IL7: variants seen among roughly 807,000 people sequenced by gnomAD.
IL7 encodes interleukin 7, also known as interleukin-7.
A neutral mutation model predicts 21.6 loss-of-function variants in IL7; 3 were observed. That is an observed-to-expected ratio of 0.14 (90% CI 0.06 to 0.36). The LOEUF (loss-of-function observed/expected upper bound fraction) is 0.36, where lower values mean the gene tolerates loss of function less well. IL7 is among the 10% of genes least tolerant of loss of function. IL7 has a pLI of 1.00. For missense variants in IL7, 175 were observed against 200.2 expected (o/e 0.87, Z 0.76); for synonymous variants, 62 against 68.1 (o/e 0.91, Z 0.44).
At chr8:78,761,148 A>C in intron 2 of IL7, 2 of 1,593,900 alleles carry the variant, frequency 1.3e-6, no homozygotes, top group Non-Finnish European at 1.7e-6. Flanking sequence ...CTCCCTGTCC[A>C]CTGAGAATGG....
intron 2 of IL7, among the ~76,000 whole-genome samples, chr8:78,788,894 G>C (rs1041848706): frequency 2.0e-5 from 3 of 152,132 alleles, no homozygotes; most frequent in Non-Finnish European, 4.4e-5. Context: ...CACAGAGTTT[G>C]ATGCTGTTTT....
At chr8:78,687,708 ATATATTTAC>A in intron 3 of IL7, among the ~76,000 whole-genome samples, 1 of 95,600 alleles carries the variant, frequency 1.0e-5, no homozygotes, top group Non-Finnish European at 2.1e-5. Flanking sequence ...TACATTATAT[ATATATTTAC>A]GTAATACATT....
At chr8:78,717,165 T>G (rs1020280982), downstream of IL7, among the ~76,000 whole-genome samples, 4 of 152,168 alleles carry the variant, frequency 2.6e-5, no homozygotes, top group African/African-American at 9.7e-5. Flanking sequence ...ATGTTAGAAT[T>G]TTAGTATTTA....
At chr8:78,711,986 A>G (rs1810963383) in intron 3 of IL7, 1 of 1,287,456 alleles carries the variant, frequency 7.8e-7, no homozygotes, top group Non-Finnish European at 1.0e-6. Context: ...ATATATTTTA[A>G]TAGTAATATG....
chr8:78,771,601 G>C (rs896494412), intron 2 of IL7, among the ~76,000 whole-genome samples: 4 of 152,076 alleles, frequency 2.6e-5, no homozygotes, highest in Non-Finnish European at 5.9e-5. Context: ...GAAATTCTAA[G>C]CCACAGTTGA....
At chr8:78,764,188 G>A (rs1812673698) in intron 2 of IL7, among the ~76,000 whole-genome samples, 1 of 151,786 alleles carries the variant, frequency 6.6e-6, no homozygotes, top group Admixed American at 6.6e-5. Context: ...GAATAGAGAG[G>A]GACTTCCTCA....
chr8:78,754,092 G>A (rs1200911684), intron 2 of IL7, among the ~76,000 whole-genome samples: 3 of 152,148 alleles, frequency 2.0e-5, no homozygotes, highest in African/African-American at 7.2e-5. Context: ...CAAATAGGAA[G>A]AGAGGATGTG....
At chr8:78,772,947 G>A (rs972050721) in intron 2 of IL7, among the ~76,000 whole-genome samples, 1 of 152,166 alleles carries the variant, frequency 6.6e-6, no homozygotes, top group Non-Finnish European at 1.5e-5. Context: ...CTCACAGCTG[G>A]ATGAGCACCT....
At chr8:78,791,025 G>A (rs905697162) in intron 2 of IL7, among the ~76,000 whole-genome samples, 4 of 151,886 alleles carry the variant, frequency 2.6e-5, no homozygotes, top group Admixed American at 6.6e-5. Flanking sequence ...ATATACAGAT[G>A]AACAAAATGG....
chr8:78,804,166 GTATTCTGCACAAATAAGA>G (rs1330585834), intron 1 of IL7, among the ~76,000 whole-genome samples: 2 of 151,746 alleles, frequency 1.3e-5, no homozygotes, highest in Non-Finnish European at 2.9e-5. Flanking sequence ...TTCTAAATCC[GTATTCTGCACAAATAAGA>G]TATATTAGGT....
At chr8:78,802,091 T>A (rs953596008) in intron 1 of IL7, among the ~76,000 whole-genome samples, 4 of 152,204 alleles carry the variant, frequency 2.6e-5, no homozygotes, top group Non-Finnish European at 5.9e-5. Context: ...GAGAATTTGT[T>A]TTCAGTAGGG....
chr8:78,688,972 T>C (rs914791489), intron 3 of IL7, among the ~76,000 whole-genome samples: 1 of 151,984 alleles, frequency 6.6e-6, no homozygotes, highest in African/African-American at 2.4e-5. Flanking sequence ...TATCTTTTGT[T>C]TTTTTTCCTT....
At chr8:78,697,250 T>C (rs1271588757) in intron 3 of IL7, among the ~76,000 whole-genome samples, 1 of 152,252 alleles carries the variant, frequency 6.6e-6, no homozygotes, top group Admixed American at 6.5e-5. Flanking sequence ...TTTAATACAT[T>C]AATGATGTGC....
chr8:78,728,238 G>C (rs193117328), downstream of IL7, among the ~76,000 whole-genome samples: 161 of 152,040 alleles, frequency 1.1e-3, no homozygotes, highest in Non-Finnish European at 1.8e-3. Flanking sequence ...AATCTCTGTT[G>C]ATATTCCAAC....
chr8:78,736,061 AAG>A (rs1321233969), intron 5 of IL7, among the ~76,000 whole-genome samples: 2 of 151,116 alleles, frequency 1.3e-5, no homozygotes, highest in South Asian at 2.1e-4. Context: ...ACACTAATAA[AAG>A]AGGTATATAT....
At chr8:78,763,933 A>T (rs1812664212) in intron 2 of IL7, among the ~76,000 whole-genome samples, 1 of 151,994 alleles carries the variant, frequency 6.6e-6, no homozygotes, top group South Asian at 2.1e-4. Context: ...TCCACATAAA[A>T]CTGTATACTT....
At chr8:78,702,806 G>T (rs1177012508) in intron 3 of IL7, among the ~76,000 whole-genome samples, 1 of 152,092 alleles carries the variant, frequency 6.6e-6, no homozygotes, top group Non-Finnish European at 1.5e-5. Flanking sequence ...TAATTTAATT[G>T]TTCTGTGGTT....
At chr8:78,740,146 T>C (rs1811730730) in intron 2 of IL7, 64 bp from the exon 3 acceptor site, 1 of 924,778 alleles carries the variant, frequency 1.1e-6, no homozygotes, top group Non-Finnish European at 1.5e-6. Flanking sequence ...CTTGTAATTA[T>C]AAAAAATAAT....
At chr8:78,726,061 T>G (rs375130898) in intron 3 of IL7, among the ~76,000 whole-genome samples, 1 of 151,834 alleles carries the variant, frequency 6.6e-6, no homozygotes. Context: ...GACAATGCTA[T>G]GGAGAAAAAG....
Sources: gnomAD v4.1 joint callset for allele counts (sites outside exome capture counted in the v4.1 genomes callset) on GRCh38, gnomAD v4.1.1 for gene constraint, MANE v1.5 for transcripts, NCBI Gene and HGNC (gene_info 2026-07-23, HGNC 2026-07-21) for gene names.